CNTNAP2: variants seen among roughly 807,000 people sequenced by gnomAD.
The protein encoded by CNTNAP2 is contactin associated protein 2.
In CNTNAP2, 98 loss-of-function variants were observed where a neutral mutation model predicts 155.2. The ratio of observed to expected loss-of-function variants is 0.63; its 90% CI spans 0.54 to 0.75. The LOEUF (loss-of-function observed/expected upper bound fraction) is 0.75, where lower values mean the gene tolerates loss of function less well. CNTNAP2 is among the 30% of genes least tolerant of loss of function. The pLI, the probability that CNTNAP2 is intolerant of heterozygous loss-of-function variation, is 0.00. For missense variants in CNTNAP2, 1,727 were observed against 1,688.1 expected, an observed-to-expected ratio of 1.02 and a Z score of -0.40; for synonymous variants, 651 against 631.2, an observed-to-expected ratio of 1.03 and a Z score of -0.47.
chr7:146,334,129 G>A (rs188123631), intron 1 of CNTNAP2, among the ~76,000 whole-genome samples: 17 of 152,226 alleles, frequency 1.1e-4, no homozygotes, highest in Admixed American at 9.8e-4. Context: ...AAGTCCTATA[G>A]CAGCTTAATT....
intron 1 of CNTNAP2, among the ~76,000 whole-genome samples, chr7:146,409,824 T>G (rs2129110647): frequency 6.6e-6 from 1 of 152,220 alleles, no homozygotes; most frequent in Non-Finnish European, 1.5e-5. Context: ...GAAGAAATAG[T>G]AATGCACCAG....
chr7:147,371,766 T>G (rs904689350), intron 9 of CNTNAP2, among the ~76,000 whole-genome samples: 1 of 152,190 alleles, frequency 6.6e-6, no homozygotes, highest in African/African-American at 2.4e-5. Flanking sequence ...CTCACTTATG[T>G]GTACATGCAC....
At chr7:148,299,212 A>T (rs922673543) in intron 21 of CNTNAP2, among the ~76,000 whole-genome samples, 4 of 151,892 alleles carry the variant, frequency 2.6e-5, no homozygotes, top group Non-Finnish European at 5.9e-5. Flanking sequence ...GAATGGTCTC[A>T]ATCTCCCGAC....
At chr7:148,118,421 G>A in intron 16 of CNTNAP2, 133 bp downstream of exon 16, 1 of 983,670 alleles carries the variant, frequency 1.0e-6, no homozygotes, top group Non-Finnish European at 1.5e-6. Flanking sequence ...GACTAGAGGT[G>A]GACACACAAG....
In CNTNAP2 at chr7:146,774,275, A is replaced by C. The variant is rs779436784; in HGVS notation, c.102A>C (p.Lys34Asn). The change falls in exon 2 of 24, where the codon AAA (lysine) becomes AAC (asparagine). Residue 34 changes from lysine (K) to asparagine (N), a missense_variant. Lys to Asn is a moderately conservative substitution (Grantham distance 94). Coordinates refer to ENST00000361727, the MANE Select transcript of CNTNAP2 (RefSeq NM_014141.6). The part of the protein sequence containing the change: ...RAWTAPSTSQ[K>N]CDEPLVSGLP... ...CTCTCTGTCTTTTGTTTTCAGAAAAATGTGATGAGCCACTTGTCTCTGGAC... is the reference window on the plus strand; with the variant it reads ...CTCTCTGTCTTTTGTTTTCAGAAAACTGTGATGAGCCACTTGTCTCTGGAC... The C allele has an allele frequency of 5.6e-6, 9 of 1,613,112 alleles. No homozygotes were observed. The Admixed American group carries it at 1.5e-4, about 27-fold the overall frequency.
chr7:147,779,439 C>T (rs1034116623), intron 13 of CNTNAP2, among the ~76,000 whole-genome samples: 7 of 152,006 alleles, frequency 4.6e-5, no homozygotes, highest in South Asian at 2.1e-4. Flanking sequence ...GAAGGAGAAA[C>T]GTAGAGTAGA....
chr7:148,231,800 A>G (rs1489945255), intron 20 of CNTNAP2, among the ~76,000 whole-genome samples: 1 of 152,180 alleles, frequency 6.6e-6, no homozygotes, highest in Non-Finnish European at 1.5e-5. Context: ...ACAAAGACCC[A>G]TAGTCCCTAA....
At chr7:147,131,170 C>A (rs995934741) in intron 7 of CNTNAP2, among the ~76,000 whole-genome samples, 1 of 149,100 alleles carries the variant, frequency 6.7e-6, no homozygotes, top group African/African-American at 2.5e-5. Flanking sequence ...TATATATGTA[C>A]CATATACATA....
At chr7:147,783,972 T>C (rs1318935322) in intron 13 of CNTNAP2, among the ~76,000 whole-genome samples, 1 of 152,176 alleles carries the variant, frequency 6.6e-6, no homozygotes, top group Non-Finnish European at 1.5e-5. Context: ...AAGACATTCC[T>C]CCTGAGACTA....
At chr7:147,727,249 T>C (rs1245876488) in intron 13 of CNTNAP2, among the ~76,000 whole-genome samples, 1 of 151,922 alleles carries the variant, frequency 6.6e-6, no homozygotes, top group Non-Finnish European at 1.5e-5. Context: ...GGGCACTTAG[T>C]AGGTATTACA....
chr7:148,178,319 G>A (rs1372420122), intron 18 of CNTNAP2, among the ~76,000 whole-genome samples: 1 of 152,144 alleles, frequency 6.6e-6, no homozygotes. Context: ...GAGTTAGGGA[G>A]TTCTGTTTTC....
At position 147,816,002 on chromosome 7, in the gene CNTNAP2, A is replaced by G. The variant is rs114449422; in HGVS notation, c.2099-87563A>G. Among the ~76,000 whole-genome samples, 881 of 152,330 alleles carry G rather than the reference A, an allele frequency of 5.8e-3. 14 individuals carry two copies. Among genetic ancestry groups the G allele is most frequent in the African/African-American group, 0.02 (834 of 41,578 alleles). ...CTCAGACTCTGGCTGCTGTGTTAAT[A>G]AGTGGTGTTGAGACTATTGCTTAAT... is the stretch of plus-strand genomic sequence containing the variant. On this transcript the variant is annotated intron_variant, in intron 13 of 23. Coordinates refer to ENST00000361727, the MANE Select transcript of CNTNAP2 (RefSeq NM_014141.6).
Position 147,896,065 on chromosome 7 carries a change from A to G in CNTNAP2, c.2099-7500A>G, listed in dbSNP as rs550497649. On this transcript the variant is annotated intron_variant, in intron 13 of 23. Coordinates refer to ENST00000361727, the MANE Select transcript of CNTNAP2 (RefSeq NM_014141.6). ...CTCACTGGGGGCATTCGTTATATGA[A>G]GACTAAAGTATTGTGACTTGAGAAA... 7.8e-4 allele frequency among the ~76,000 whole-genome samples: 119 copies of G among 152,368 alleles called. 2 individuals carry two copies. In the South Asian group the frequency reaches 0.024, roughly 30 times the overall value.
chr7:148,296,545 C>CAAAAAAA (rs143609414), intron 21 of CNTNAP2, among the ~76,000 whole-genome samples: 5,027 of 76,100 alleles, frequency 0.066, 608 homozygotes, highest in Non-Finnish European at 0.087. Flanking sequence ...GACTCTGTCT[C>CAAAAAAA]AAAAAAAAAA....
At chr7:146,442,673 T>C (rs928151462) in intron 1 of CNTNAP2, among the ~76,000 whole-genome samples, 4 of 152,138 alleles carry the variant, frequency 2.6e-5, no homozygotes, top group African/African-American at 9.7e-5. Flanking sequence ...GACTTATCCT[T>C]GAGTCCCCTC....
intron 8 of CNTNAP2, among the ~76,000 whole-genome samples, chr7:147,273,066 G>A (rs908592827): frequency 3.4e-4 from 52 of 152,118 alleles, no homozygotes; most frequent in African/African-American, 9.9e-4. Flanking sequence ...GGCATGGTGC[G>A]GGGTTTCCAC....
Position 147,312,820 on chromosome 7 carries a change from C to A in CNTNAP2, c.1498+12530C>A, listed in dbSNP as rs576087785. On this transcript the variant is annotated intron_variant, in intron 9 of 23. Transcript: ENST00000361727. The stretch of plus-strand genomic sequence containing the variant: ...TCAAATTGTATTTCTAGTTCTAGAT[C>A]CCTGAGGAATCGCCACACTGACTTC... Among the ~76,000 whole-genome samples, 2 of 123,730 alleles carry A rather than the reference C, an allele frequency of 1.6e-5. 1 individual carries two copies. Among genetic ancestry groups the A allele is most frequent in the South Asian group, 5.9e-4 (2 of 3,414 alleles). The allele number at this position is 123,730 out of a possible 152,430, so 81.2% of individuals were successfully genotyped here. A position where few individuals can be genotyped will look rare whatever the true frequency, so the allele number is the denominator to read the frequency against.
intron 1 of CNTNAP2, among the ~76,000 whole-genome samples, chr7:146,664,521 A>G (rs187899952): frequency 6.6e-6 from 1 of 152,264 alleles, no homozygotes; most frequent in Non-Finnish European, 1.5e-5. Context: ...TCCACTTGGT[A>G]TGATACACTA....
At chr7:146,945,141 G>T (rs960383186) in intron 3 of CNTNAP2, among the ~76,000 whole-genome samples, 1 of 152,126 alleles carries the variant, frequency 6.6e-6, no homozygotes, top group Non-Finnish European at 1.5e-5. Context: ...TCATTGCAAT[G>T]GGCATCAGAA....
Sources: allele counts gnomAD v4.1 joint callset (sites outside exome capture counted in the v4.1 genomes callset), GRCh38; gene constraint gnomAD v4.1.1; transcripts MANE v1.5; gene names NCBI Gene and HGNC (gene_info 2026-07-23, HGNC 2026-07-21).